Variants in DCAF4 observed in about 807,000 individuals in gnomAD.
DCAF4 encodes the protein DDB1 and CUL4 associated factor 4, also known as DDB1- and CUL4-associated factor 4.
Under a neutral mutation model 60.9 loss-of-function variants are expected in DCAF4, and 37 were observed. The ratio of observed to expected loss-of-function variants is 0.61; its 90% CI spans 0.47 to 0.80. DCAF4 has a LOEUF of 0.80. DCAF4 is among the 30% of genes least tolerant of loss of function. DCAF4 has a pLI of 0.00. For synonymous variants in DCAF4, 243 were observed against 254.8 expected (o/e 0.95, Z 0.44); for missense variants, 577 against 650.0 (o/e 0.89, Z 1.22).
chr14:72,948,445 A>C (rs578034886), intron 8 of DCAF4, among the ~76,000 whole-genome samples: 46 of 152,304 alleles, frequency 3.0e-4, no homozygotes, highest in African/African-American at 9.9e-4. Flanking sequence ...CTAAATTGCA[A>C]ATTTTATGTG....
chr14:72,928,904 C>T (rs1888093894), intron 1 of DCAF4, among the ~76,000 whole-genome samples: 1 of 152,130 alleles, frequency 6.6e-6, no homozygotes, highest in Admixed American at 6.6e-5. Context: ...GGAGATGGAG[C>T]CCCTCCCCCA....
intron 1 of DCAF4, among the ~76,000 whole-genome samples, chr14:72,937,206 A>C (rs1465823513): frequency 8.4e-6 from 1 of 119,136 alleles, no homozygotes; most frequent in Admixed American, 9.5e-5. Flanking sequence ...AAGGAGAAGG[A>C]GACATTAACA....
chr14:72,952,622 AG>A (rs1891555434), intron 9 of DCAF4, among the ~76,000 whole-genome samples: 1 of 149,602 alleles, frequency 6.7e-6, no homozygotes, highest in Non-Finnish European at 1.5e-5. Context: ...CCCTTTGGGG[AG>A]GTAGTAATTG....
chr14:72,955,494 C>T, intron 11 of DCAF4, 29 bp from the exon 12 acceptor site: 2 of 1,606,096 alleles, frequency 1.2e-6, no homozygotes, highest in South Asian at 2.2e-5. Flanking sequence ...TCATGATAGC[C>T]AGGCACTGAG....
intron 6 of DCAF4, 23 bp downstream of exon 6, chr14:72,943,119 C>CCT: frequency 6.2e-7 from 1 of 1,604,310 alleles, no homozygotes; most frequent in Non-Finnish European, 8.5e-7. Flanking sequence ...GGGACACCTG[C>CCT]CTAGGGTGTG....
intron 2 of DCAF4, among the ~76,000 whole-genome samples, chr14:72,938,754 T>A (rs114219171): frequency 1.1e-4 from 17 of 152,224 alleles, no homozygotes; most frequent in Middle Eastern, 3.4e-3. Context: ...GATTTTTTTT[T>A]AAATGGTATA....
At chr14:72,934,073 C>T (rs1157167188) in intron 1 of DCAF4, among the ~76,000 whole-genome samples, 1 of 151,682 alleles carries the variant, frequency 6.6e-6, no homozygotes, top group East Asian at 1.9e-4. Flanking sequence ...GCAGGCTCAT[C>T]CCCCCCATTT....
intron 8 of DCAF4, among the ~76,000 whole-genome samples, chr14:72,950,347 A>C (rs1891251570): frequency 6.6e-6 from 1 of 152,202 alleles, no homozygotes; most frequent in African/African-American, 2.4e-5. Context: ...AGGCCAGGAT[A>C]GACCTCCCAG....
chr14:72,947,503 T>A (rs1890886011), intron 8 of DCAF4, among the ~76,000 whole-genome samples: 1 of 152,186 alleles, frequency 6.6e-6, no homozygotes, highest in South Asian at 2.1e-4. Context: ...GCAGTCTGAC[T>A]CCAAGGCCGG....
intron 8 of DCAF4, 46 bp downstream of exon 8, chr14:72,947,237 G>T: frequency 6.2e-7 from 1 of 1,609,422 alleles, no homozygotes; most frequent in South Asian, 1.1e-5. Flanking sequence ...GCCACACCCT[G>T]ACGTTGGACC....
At chr14:72,961,322 T>C (rs1467790825), downstream of DCAF4, among the ~76,000 whole-genome samples, 1 of 152,234 alleles carries the variant, frequency 6.6e-6, no homozygotes, top group Admixed American at 6.5e-5. Flanking sequence ...CCCTCACTGC[T>C]GTGTCCTGCT....
At chr14:72,932,147 CCTAA>C (rs1398786019) in intron 1 of DCAF4, among the ~76,000 whole-genome samples, 4 of 152,064 alleles carry the variant, frequency 2.6e-5, no homozygotes, top group Non-Finnish European at 4.4e-5. Flanking sequence ...CACCACCACG[CCTAA>C]CTAATTTTTT....
chr14:72,942,924 C>A (rs1890236132), intron 5 of DCAF4, 70 bp from the exon 6 acceptor site: 8 of 1,455,194 alleles, frequency 5.5e-6, no homozygotes, highest in Non-Finnish European at 5.7e-6. Flanking sequence ...GCAGGGAAGG[C>A]CAGAGACCCC....
In DCAF4 at chr14:72,934,612, G is replaced by C. The variant is rs199532651; in HGVS notation, c.-8-3359G>C. On this transcript the variant is annotated intron_variant, in intron 1 of 13. Coordinates refer to ENST00000358377, the MANE Select transcript of DCAF4 (RefSeq NM_015604.4). ...GCTTGCCTGACATTTTCATTCTTCA[G>C]ACTGCACTTATCTCCCTCCCCCACC... Among the ~76,000 whole-genome samples the C allele has an allele frequency of 1.5e-4, 23 of 152,226 alleles. No homozygotes were observed. In the East Asian group the frequency reaches 4.4e-3, roughly 29 times the overall value.
downstream of DCAF4, among the ~76,000 whole-genome samples, chr14:72,961,639 T>C (rs1892825196): frequency 6.6e-6 from 1 of 152,246 alleles, no homozygotes; most frequent in South Asian, 2.1e-4. Flanking sequence ...GGTGCAGGGT[T>C]TTATTTCTAG....
At chr14:72,951,265 G>A (rs1291256911) in intron 8 of DCAF4, among the ~76,000 whole-genome samples, 1 of 152,044 alleles carries the variant, frequency 6.6e-6, no homozygotes, top group Non-Finnish European at 1.5e-5. Flanking sequence ...ACATAGGCAG[G>A]AGCCACCACA....
At chr14:72,942,792 A>G (rs1890219801) in intron 5 of DCAF4, 2 of 568,660 alleles carry the variant, frequency 3.5e-6, no homozygotes, top group African/African-American at 3.8e-5. Flanking sequence ...CCACTTCTTC[A>G]TTTTCATCTT....
Position 72,958,685 on chromosome 14 carries a change from C to G in DCAF4, c.1368C>G (p.Tyr456Ter). Reference sequence around the variant, plus strand: ...TACTGAGAACCATACCCTCCCCGTACCCTGCCTCCAAGGCCGACATTCCCA... The same window carrying G: ...TACTGAGAACCATACCCTCCCCGTAGCCTGCCTCCAAGGCCGACATTCCCA... Reference protein sequence around the residue: ...ARLLRTIPSPYPASKADIPSV... With the variant: ...ARLLRTIPSP Residue 456 changes from tyrosine to a stop codon, truncating the protein, a stop_gained, in exon 14 of 14, where the codon TAC becomes TAG. Coordinates refer to ENST00000358377, the MANE Select transcript of DCAF4 (RefSeq NM_015604.4). LOFTEE classifies it high-confidence loss of function. 6.2e-7 allele frequency: 1 copy of G among 1,614,232 alleles called. No homozygotes were observed. Among genetic ancestry groups the G allele is most frequent in the Non-Finnish European group, 8.5e-7 (1 of 1,180,044 alleles).
At position 72,947,166 on chromosome 14, in the gene DCAF4, C is replaced by T; in HGVS notation, c.703C>T (p.Leu235=). Residue 235 remains leucine (L), a synonymous_variant, in exon 8 of 14, where the codon CTG becomes TTG. Coordinates refer to ENST00000358377, the MANE Select transcript of DCAF4 (RefSeq NM_015604.4). ...GGTGAATTCGGTGTGCTGGGCCTCG[C>T]TGAATCACTTGGATTCCCACATTCT... ...RKVNSVCWAS[L]NHLDSHILLC... 1.2e-6 allele frequency: 2 copies of T among 1,614,114 alleles called. No individual in the cohort carries two copies. Among genetic ancestry groups the T allele is most frequent in the Non-Finnish European group, 1.7e-6 (2 of 1,179,996 alleles).
Sources: allele counts gnomAD v4.1 joint callset (sites outside exome capture counted in the v4.1 genomes callset), GRCh38; gene constraint gnomAD v4.1.1; transcripts MANE v1.5; gene names NCBI Gene and HGNC (gene_info 2026-07-23, HGNC 2026-07-21).